Variants in MAP4K4 observed in about 807,000 individuals in gnomAD.
MAP4K4 encodes the protein HPK/GCK-like kinase HGK.
MAP4K4 carries 38 observed loss-of-function variants against 189.6 expected under a neutral mutation model. The observed-to-expected ratio is 0.20, with a 90% CI of 0.15 to 0.26. MAP4K4 has a LOEUF of 0.26. Ranked by LOEUF, MAP4K4 falls within the 10% of genes least tolerant of loss-of-function variation. The pLI is 1.00. For missense variants in MAP4K4, 1,054 were observed against 1,726.9 expected, an observed-to-expected ratio of 0.61 and a Z score of 6.91; for synonymous variants, 610 against 624.3, an observed-to-expected ratio of 0.98 and a Z score of 0.34.
chr2:101,870,435 T>C lies in MAP4K4; in HGVS notation c.2760+20T>C. 6.2e-7 allele frequency: 1 copy of C among 1,612,638 alleles called. No individual in the cohort carries two copies. Among genetic ancestry groups the C allele is most frequent in the Non-Finnish European group, 8.5e-7 (1 of 1,179,496 alleles). ...CGCCAGGTACCCGTGTCTTCTCTGTTGTCAGAGGCTGAGCTTCTCCTGTGG... is the reference window on the plus strand; with the variant it reads ...CGCCAGGTACCCGTGTCTTCTCTGTCGTCAGAGGCTGAGCTTCTCCTGTGG... On this transcript the variant is annotated intron_variant, in intron 23 of 32. Coordinates refer to ENST00000324219, the Ensembl canonical transcript of MAP4K4.
intron 3 of MAP4K4, among the ~76,000 whole-genome samples, chr2:101,807,120 A>G (rs1273025472): frequency 6.6e-6 from 1 of 151,246 alleles, no homozygotes; most frequent in Non-Finnish European, 1.5e-5. Context: ...TGGTTTGATA[A>G]CAGCTCACTG....
intron 2 of MAP4K4, among the ~76,000 whole-genome samples, chr2:101,712,600 A>C (rs1000447088): frequency 6.6e-6 from 1 of 151,582 alleles, no homozygotes; most frequent in Non-Finnish European, 1.5e-5. Flanking sequence ...CCCAGGTTCA[A>C]GTGATTCTTG....
chr2:101,864,144 A>G (rs1559241987), intron 17 of MAP4K4, 93 bp downstream of exon 17: 2 of 640,968 alleles, frequency 3.1e-6, no homozygotes, highest in East Asian at 1.4e-4. Flanking sequence ...ATGCAACTTG[A>G]CCAAATTTAA....
At chr2:101,742,449 C>T (rs980797244) in intron 2 of MAP4K4, among the ~76,000 whole-genome samples, 2 of 152,136 alleles carry the variant, frequency 1.3e-5, no homozygotes, top group Non-Finnish European at 2.9e-5. Context: ...TGCCTGTGTG[C>T]CCGCCCTTAG....
chr2:101,875,366 T>C, intron 26 of MAP4K4, among the ~76,000 whole-genome samples: 1 of 141,228 alleles, frequency 7.1e-6, no homozygotes, highest in African/African-American at 2.7e-5. Context: ...TTGTACAGCA[T>C]TTTTTTTTTT....
intron 22 of MAP4K4, 122 bp from the exon 23 acceptor site, chr2:101,870,173 G>A: frequency 1.0e-6 from 1 of 995,588 alleles, no homozygotes; most frequent in Non-Finnish European, 1.4e-6. Flanking sequence ...TTGCTTTTTT[G>A]GAGGAGGCTT....
At chr2:101,824,132 G>GGGGGGGGGGGGGGA in intron 4 of MAP4K4, 79 bp downstream of exon 4, 2 of 56,768 alleles carry the variant, frequency 3.5e-5, no homozygotes, top group South Asian at 5.2e-4. Flanking sequence ...GGGGGCGGGG[G>GGGGGGGGGGGGGGA]AAAGAGGGGG....
chr2:101,820,791 G>T (rs540368005), intron 3 of MAP4K4, among the ~76,000 whole-genome samples: 35 of 152,184 alleles, frequency 2.3e-4, no homozygotes. Flanking sequence ...GTGAGTTGTG[G>T]TGAGTCAGGA....
chr2:101,806,368 G>T (rs919974396), intron 3 of MAP4K4, among the ~76,000 whole-genome samples: 2 of 144,662 alleles, frequency 1.4e-5, no homozygotes. Flanking sequence ...CATTTCAGCT[G>T]TTTCACTTTT....
At chr2:101,870,315 A>G (rs765384309) in exon 23 of MAP4K4, 9 of 1,613,038 alleles carry the variant, frequency 5.6e-6, no homozygotes, top group South Asian at 4.4e-5. Context: ...AATTTGAGCA[A>G]TGGTGAAACG....
At chr2:101,710,950 C>T (rs2045152815) in intron 2 of MAP4K4, among the ~76,000 whole-genome samples, 2 of 152,176 alleles carry the variant, frequency 1.3e-5, no homozygotes, top group Admixed American at 1.3e-4. Flanking sequence ...AGCCTTGCCT[C>T]CTACATCTGC....
intron 2 of MAP4K4, among the ~76,000 whole-genome samples, chr2:101,786,878 T>C (rs2091463538): frequency 6.6e-6 from 1 of 152,222 alleles, no homozygotes; most frequent in African/African-American, 2.4e-5. Flanking sequence ...ACTAATTGTC[T>C]TATAAACACA....
intron 6 of MAP4K4, among the ~76,000 whole-genome samples, chr2:101,830,901 G>A (rs1351832965): frequency 1.3e-5 from 2 of 152,216 alleles, no homozygotes; most frequent in Non-Finnish European, 2.9e-5. Flanking sequence ...CTCAGTGAGT[G>A]AGTCCACACC....
At chr2:101,745,972 T>TTGTATG (rs2065314889) in intron 2 of MAP4K4, among the ~76,000 whole-genome samples, 1 of 146,496 alleles carries the variant, frequency 6.8e-6, no homozygotes, top group Non-Finnish European at 1.5e-5. Flanking sequence ...CCTGTTTCCT[T>TTGTATG]TGTGTGTGTG....
At chr2:101,778,596 A>C (rs570380687) in intron 2 of MAP4K4, among the ~76,000 whole-genome samples, 3 of 152,210 alleles carry the variant, frequency 2.0e-5, no homozygotes, top group East Asian at 3.9e-4. Flanking sequence ...AGTGAAAAGC[A>C]GGGGCAGGGT....
chr2:101,717,200 C>T (rs751718581), intron 2 of MAP4K4, among the ~76,000 whole-genome samples: 4 of 152,128 alleles, frequency 2.6e-5, no homozygotes, highest in Non-Finnish European at 4.4e-5. Flanking sequence ...TTTCTTAGCT[C>T]AACAGGAAAT....
chr2:101,798,170 C>T (rs1452283038), intron 3 of MAP4K4, among the ~76,000 whole-genome samples: 1 of 151,696 alleles, frequency 6.6e-6, no homozygotes, highest in Non-Finnish European at 1.5e-5. Flanking sequence ...GTCTCAGCCT[C>T]CCAAAGTGCT....
At chr2:101,814,463 A>T (rs2095607354) in intron 3 of MAP4K4, among the ~76,000 whole-genome samples, 1 of 152,224 alleles carries the variant, frequency 6.6e-6, no homozygotes, top group Non-Finnish European at 1.5e-5. Context: ...TACAGAGGTC[A>T]CTTAGTTGTA....
chr2:101,698,465 C>T lies in MAP4K4; in HGVS notation c.58-8C>T. 6.2e-7 allele frequency: 1 copy of T among 1,612,746 alleles called. No homozygotes were observed. Among genetic ancestry groups the T allele is most frequent in the Non-Finnish European group, 8.5e-7 (1 of 1,178,798 alleles). ...TAAATGATAACCCCTCCCCTCCTTC[C>T]TCTCCAGGATCCTGCTGGGATTTTT... On this transcript the variant is annotated splice_polypyrimidine_tract_variant and splice_region_variant and intron_variant, in intron 1 of 32. Transcript: ENST00000324219.
Sources: allele counts gnomAD v4.1 joint callset (sites outside exome capture counted in the v4.1 genomes callset), GRCh38; gene constraint gnomAD v4.1.1; transcripts MANE v1.5; gene names NCBI Gene and HGNC (gene_info 2026-07-23, HGNC 2026-07-21).